Variants in DSG1 observed in about 807,000 individuals in gnomAD.
The protein encoded by DSG1 is desmoglein-1.
In DSG1, 39 loss-of-function variants were observed where a neutral mutation model predicts 97.5. That is an observed-to-expected ratio of 0.40 (90% confidence interval 0.31 to 0.52). DSG1 has a LOEUF of 0.52. Among genes scored for constraint, DSG1 ranks in the 20% least tolerant of loss-of-function variants. The probability of loss-of-function intolerance (pLI) is 0.53; values close to 1 mark genes in which losing one functional copy is unlikely to be tolerated. For synonymous variants in DSG1, 475 were observed against 443.4 expected (o/e 1.07, Z -0.90); for missense variants, 1,311 against 1,295.4 (o/e 1.01, Z -0.18).
chr18:31,338,568 C>A, intron 10 of DSG1, 114 bp downstream of exon 10: 1 of 1,132,212 alleles, frequency 8.8e-7, no homozygotes, highest in South Asian at 1.4e-5. Flanking sequence ...AAAGTTGTCA[C>A]ACTGGGCATT....
chr18:31,319,455 T>C (rs1475997511), intron 1 of DSG1, among the ~76,000 whole-genome samples: 1 of 152,190 alleles, frequency 6.6e-6, no homozygotes. Flanking sequence ...TAGTTATAAA[T>C]GAGCATCAGT....
At position 31,335,060 on chromosome 18, in the gene DSG1, C is replaced by T. The variant is rs532176680; in HGVS notation, c.1005+858C>T. ...GTCTGGAAAACAGACTCTCAAACGACTCTGTCCCCATACGAATGTGTGGCT... is the reference window on the plus strand; with the variant it reads ...GTCTGGAAAACAGACTCTCAAACGATTCTGTCCCCATACGAATGTGTGGCT... On this transcript the variant is annotated intron_variant, in intron 8 of 14. Transcript: ENST00000257192. Among the ~76,000 whole-genome samples, 3 of 152,258 alleles carry T rather than the reference C, an allele frequency of 2.0e-5. No individual in the cohort carries two copies. The East Asian group carries it at 5.8e-4, about 29-fold the overall frequency.
At chr18:31,345,267 T>C (rs2071822486) in intron 13 of DSG1, 1 of 152,074 alleles carries the variant, frequency 6.6e-6, no homozygotes, top group South Asian at 2.1e-4. Flanking sequence ...TGGATACATA[T>C]CCCACTGACA....
chr18:31,339,794 T>C lies in DSG1; in HGVS notation c.1456T>C (p.Phe486Leu), dbSNP rs761998468. Residue 486 changes from phenylalanine to leucine, a missense_variant, in exon 11 of 15, where the codon TTT (phenylalanine) becomes CTT (leucine). Phe to Leu is a conservative substitution (Grantham distance 22, BLOSUM62 0). Coordinates refer to ENST00000257192, the MANE Select transcript of DSG1 (RefSeq NM_001942.4). ...TACAATTAATATTAACATTCAAAGT[T>C]TTGGTAATGACGACAGGACTAATAC... The part of the protein sequence containing the change: ...TGTININIQS[F>L]GNDDRTNTEP... 6.2e-7 allele frequency: 1 copy of C among 1,613,222 alleles called. No homozygotes were observed. Among genetic ancestry groups the C allele is most frequent in the East Asian group, 2.2e-5 (1 of 44,846 alleles).
intron 14 of DSG1, among the ~76,000 whole-genome samples, chr18:31,352,127 T>A (rs1598716468): frequency 6.6e-6 from 1 of 152,270 alleles, no homozygotes; most frequent in Non-Finnish European, 1.5e-5. Flanking sequence ...CTTTCCATGT[T>A]TAGTGCTTCC....
At chr18:31,325,015 G>A (rs953885324) in intron 1 of DSG1, among the ~76,000 whole-genome samples, 2 of 152,172 alleles carry the variant, frequency 1.3e-5, no homozygotes, top group African/African-American at 2.4e-5. Context: ...GGGGAAATAC[G>A]TTGAAGATTT....
At chr18:31,331,234 A>G (rs1158521969) in intron 5 of DSG1, among the ~76,000 whole-genome samples, 3 of 152,240 alleles carry the variant, frequency 2.0e-5, no homozygotes, top group African/African-American at 7.2e-5. Flanking sequence ...AACTTTATAT[A>G]GTTTTCTCTT....
At chr18:31,318,475 T>G in intron 1 of DSG1, 127 bp downstream of exon 1, 1 of 806,022 alleles carries the variant, frequency 1.2e-6, no homozygotes, top group Non-Finnish European at 2.2e-6. Context: ...AATGACAAGA[T>G]GATTTTATGA....
rs1472613108 is a variant in DSG1, at chr18:31,357,909, C to T, written c.*2563C>T. Among the ~76,000 whole-genome samples, 1 of 151,856 alleles carries T rather than the reference C, an allele frequency of 6.6e-6. No homozygotes were observed. The highest frequency in any genetic ancestry group is 2.4e-5 in the African/African-American group (1 of 41,406). ...ATTTAGTCCTAAATTTTAAAATTCCCTTTTCAAGACATCAACGATTTTAGT... is the reference window on the plus strand; with the variant it reads ...ATTTAGTCCTAAATTTTAAAATTCCTTTTTCAAGACATCAACGATTTTAGT... On this transcript the variant is annotated 3_prime_UTR_variant, in exon 15 of 15. Coordinates refer to ENST00000257192, the MANE Select transcript of DSG1 (RefSeq NM_001942.4).
chr18:31,326,010 T>C (rs961830768), intron 1 of DSG1, among the ~76,000 whole-genome samples: 2 of 152,044 alleles, frequency 1.3e-5, no homozygotes, highest in African/African-American at 4.8e-5. Flanking sequence ...ATCATAATTA[T>C]TAATATTAGA....
chr18:31,335,037 C>T (rs773528459), intron 8 of DSG1, among the ~76,000 whole-genome samples: 10 of 151,844 alleles, frequency 6.6e-5, no homozygotes, highest in Non-Finnish European at 2.9e-5. Flanking sequence ...CAGACTAGGT[C>T]TGGAAAACAG....
At chr18:31,337,054 G>T (rs1316902575) in intron 9 of DSG1, among the ~76,000 whole-genome samples, 1 of 152,104 alleles carries the variant, frequency 6.6e-6, no homozygotes, top group Non-Finnish European at 1.5e-5. Flanking sequence ...AATAACGCTG[G>T]TGTGAAAATT....
chr18:31,319,935 G>C (rs1461443915), intron 1 of DSG1, among the ~76,000 whole-genome samples: 1 of 151,646 alleles, frequency 6.6e-6, no homozygotes, highest in Non-Finnish European at 1.5e-5. Flanking sequence ...TTTGGGAATG[G>C]GGGAAGAGGA....
In DSG1 at chr18:31,341,672, A is replaced by G. The variant is rs528594834; in HGVS notation, c.1687+1647A>G. Among the ~76,000 whole-genome samples, 4 of 152,326 alleles carry G rather than the reference A, an allele frequency of 2.6e-5. No individual in the cohort carries two copies. In the East Asian group the frequency reaches 5.8e-4, roughly 22 times the overall value. On this transcript the variant is annotated intron_variant, in intron 11 of 14. Transcript: ENST00000257192. The stretch of plus-strand genomic sequence containing the variant: ...GAAAAGGGAAAGAGAGAAAGAAAAA[A>G]GCATTCTCATCAAAATGAACCAAGA...
At chr18:31,319,615 G>A (rs1334952479) in intron 1 of DSG1, among the ~76,000 whole-genome samples, 1 of 152,034 alleles carries the variant, frequency 6.6e-6, no homozygotes, top group Non-Finnish European at 1.5e-5. Context: ...AAATATGAGA[G>A]TTTCATATTG....
In DSG1 at chr18:31,357,037, A is replaced by G. The variant is rs1253063590; in HGVS notation, c.*1691A>G. The G allele has an allele frequency of 1.3e-5, 2 of 152,110 alleles. No individual in the cohort carries two copies. The highest frequency in any genetic ancestry group is 2.9e-5 in the Non-Finnish European group (2 of 67,962). The allele number at this position is 152,110 out of a possible 1,614,324, so 9.4% of individuals were successfully genotyped here. Reference sequence around the variant, plus strand: ...AAAAAAATTTGCCCTGGAGTTGTGAATTATATACAACTTTTAAAGAATTTA... The same window carrying G: ...AAAAAAATTTGCCCTGGAGTTGTGAGTTATATACAACTTTTAAAGAATTTA... On this transcript the variant is annotated 3_prime_UTR_variant, in exon 15 of 15. Transcript: ENST00000257192.
At chr18:31,346,887 G>A (rs1019145537) in intron 14 of DSG1, among the ~76,000 whole-genome samples, 3 of 152,184 alleles carry the variant, frequency 2.0e-5, no homozygotes, top group Admixed American at 2.0e-4. Flanking sequence ...GTTAATGAGA[G>A]TGGGGTCAAG....
At position 31,329,793 on chromosome 18, in the gene DSG1, A is replaced by C. The variant is rs1324964805; in HGVS notation, c.373-99A>C. 3 of 1,437,304 alleles carry C rather than the reference A, an allele frequency of 2.1e-6. No individual in the cohort carries two copies. In the African/African-American group the frequency reaches 4.2e-5, roughly 20 times the overall value. 89.0% of individuals were successfully genotyped at this position (1,437,304 alleles called of 1,614,324 possible). The stretch of plus-strand genomic sequence containing the variant: ...TGTGCCTATGTTCTAAGTAGACATA[A>C]TAATTCTTTTAATTCGCCACAGTGC... On this transcript the variant is annotated intron_variant, in intron 4 of 14. Transcript: ENST00000257192.
chr18:31,343,897 A>G (rs2071807928), intron 12 of DSG1, 29 bp from the exon 13 acceptor site: 1 of 1,565,152 alleles, frequency 6.4e-7, no homozygotes, highest in Non-Finnish European at 8.8e-7. Flanking sequence ...TGGTCACTAC[A>G]AATGGAAATG....
Sources: gnomAD v4.1 joint callset for allele counts (sites outside exome capture counted in the v4.1 genomes callset) on GRCh38, gnomAD v4.1.1 for gene constraint, MANE v1.5 for transcripts, NCBI Gene and HGNC (gene_info 2026-07-23, HGNC 2026-07-21) for gene names.